The following PCDHA3 variants were observed in gnomAD, a reference collection of about 807,000 sequenced individuals.
PCDHA3 encodes protocadherin alpha 3.
PCDHA3 carries 41 observed loss-of-function variants against 62.2 expected under a neutral mutation model. That is an observed-to-expected ratio of 0.66 (90% CI 0.51 to 0.86). The LOEUF (loss-of-function observed/expected upper bound fraction) is 0.86, where lower values mean the gene tolerates loss of function less well. Among genes scored for constraint, PCDHA3 ranks in the 40% least tolerant of loss-of-function variants. The probability of loss-of-function intolerance (pLI) is 0.00; values close to 1 mark genes in which losing one functional copy is unlikely to be tolerated. For synonymous variants in PCDHA3, 640 were observed against 555.4 expected (o/e 1.15, Z -2.14); for missense variants, 1,304 against 1,241.2 (o/e 1.05, Z -0.76).
chr5:141,003,370 G>A (rs192935173), intron 3 of PCDHA3, among the ~76,000 whole-genome samples: 1 of 152,262 alleles, frequency 6.6e-6, no homozygotes, highest in East Asian at 1.9e-4. Context: ...GGAGTGCAGT[G>A]GTGCAATCTC....
rs1554139478 is a variant in PCDHA3 at position 140,842,864 on chromosome 5, G to A, written c.2394+39273G>A. The stretch of plus-strand genomic sequence containing the variant: ...CTACATTTCGGTGCACACGGAGAGC[G>A]GCAAGGTGTACGCGCTGCAGCCGCT... On this transcript the variant is annotated intron_variant, in intron 1 of 3. Transcript: ENST00000522353. 2.5e-6 allele frequency: 4 copies of A among 1,594,034 alleles called. 1 individual carries two copies. Among genetic ancestry groups the A allele is most frequent in the Middle Eastern group, 2.1e-4 (1 of 4,754 alleles).
intron 2 of PCDHA3, among the ~76,000 whole-genome samples, chr5:140,980,777 A>C (rs2096905451): frequency 6.6e-6 from 1 of 152,244 alleles, no homozygotes; most frequent in Non-Finnish European, 1.5e-5. Flanking sequence ...ATTGAAATTA[A>C]AATGCCATTT....
In PCDHA3 at chr5:140,886,016, A is replaced by G. The variant is rs192748955; in HGVS notation, c.2394+82425A>G. Among the ~76,000 whole-genome samples the G allele has an allele frequency of 3.1e-3, 468 of 152,290 alleles. 3 individuals are homozygous for G. Among genetic ancestry groups the G allele is most frequent in the Middle Eastern group, 0.014 (4 of 294 alleles). On this transcript the variant is annotated intron_variant, in intron 1 of 3. Transcript: ENST00000522353. ...GAAAGAAATAGTAAAGGGAGATGCTATGTATTCTTCACTAAGTTTTCCCCA... is the reference window on the plus strand; with the variant it reads ...GAAAGAAATAGTAAAGGGAGATGCTGTGTATTCTTCACTAAGTTTTCCCCA...
At chr5:140,948,351 A>G (rs951541212) in intron 1 of PCDHA3, among the ~76,000 whole-genome samples, 1 of 151,646 alleles carries the variant, frequency 6.6e-6, no homozygotes, top group East Asian at 1.9e-4. Flanking sequence ...TTCTAACCTA[A>G]TAAAATGACT....
At chr5:140,824,707 G>C (rs1444477681) in intron 1 of PCDHA3, 1 of 138,454 alleles carries the variant, frequency 7.2e-6, no homozygotes, top group East Asian at 2.3e-4. Flanking sequence ...CCATGCTCCC[G>C]TCTCAGCCTC....
intron 1 of PCDHA3, among the ~76,000 whole-genome samples, chr5:140,934,524 G>A (rs181182103): frequency 4.4e-4 from 67 of 152,192 alleles, no homozygotes; most frequent in Admixed American, 3.1e-3. Context: ...ACCACACTTC[G>A]AGAGCTACCG....
chr5:140,899,909 G>A (rs1401600020), intron 1 of PCDHA3, among the ~76,000 whole-genome samples: 1 of 152,134 alleles, frequency 6.6e-6, no homozygotes, highest in Non-Finnish European at 1.5e-5. Flanking sequence ...CTGGGCTCAA[G>A]CAATCCTCCT....
At chr5:140,887,629 T>C (rs2061519169) in intron 1 of PCDHA3, among the ~76,000 whole-genome samples, 1 of 152,128 alleles carries the variant, frequency 6.6e-6, no homozygotes, top group Non-Finnish European at 1.5e-5. Flanking sequence ...TTTATGTTAG[T>C]CTGTTGGGGT....
Position 140,958,902 on chromosome 5 carries a change from GAA to G in PCDHA3, c.2395-20044_2395-20043del, listed in dbSNP as rs201571519. On this transcript the variant is annotated intron_variant, in intron 1 of 3. Transcript: ENST00000522353. ...GACCAGTAGCTATATAATAGATACA[GAA>G]AAGTCTGCCTGGGTGTGGTGGCTCA... Among the ~76,000 whole-genome samples the G allele has an allele frequency of 8.2e-3, 1,248 of 152,002 alleles. 7 individuals carry two copies. The highest frequency in any genetic ancestry group is 0.021 in the Middle Eastern group (6 of 292).
chr5:140,882,770 T>C (rs781904504), intron 1 of PCDHA3: 4 of 1,614,144 alleles, frequency 2.5e-6, no homozygotes, highest in Non-Finnish European at 3.4e-6. Flanking sequence ...AAACTCGGCA[T>C]TGACCTACCG....
At chr5:140,842,733 G>T in intron 1 of PCDHA3, 1 of 1,595,054 alleles carries the variant, frequency 6.3e-7, no homozygotes, top group Middle Eastern at 1.8e-4. Context: ...AACCCGCCGG[G>T]CTGCCACATC....
intron 3 of PCDHA3, among the ~76,000 whole-genome samples, chr5:141,001,760 G>A (rs2098035777): frequency 6.6e-6 from 1 of 152,146 alleles, no homozygotes; most frequent in South Asian, 2.1e-4. Flanking sequence ...GGTTGATGGC[G>A]GATGGTTTTT....
chr5:140,977,232 A>G (rs2096751038), intron 1 of PCDHA3, among the ~76,000 whole-genome samples: 1 of 152,368 alleles, frequency 6.6e-6, no homozygotes, highest in East Asian at 1.9e-4. Flanking sequence ...ACCCAATCAT[A>G]GAAAAATTGG....
At chr5:140,967,785 G>A (rs1554229943) in intron 1 of PCDHA3, 6 of 1,614,176 alleles carry the variant, frequency 3.7e-6, no homozygotes, top group Admixed American at 3.3e-5. Context: ...GCGACTGACC[G>A]GGGTCCAGTG....
At chr5:140,962,817 G>A (rs555403742) in intron 1 of PCDHA3, among the ~76,000 whole-genome samples, 2 of 152,202 alleles carry the variant, frequency 1.3e-5, no homozygotes, top group South Asian at 4.1e-4. Flanking sequence ...CATCAGAGAT[G>A]ACCATTTGTC....
rs782492418 is a variant in PCDHA3 at position 140,858,271 on chromosome 5, C to T, written c.2394+54680C>T. On this transcript the variant is annotated intron_variant, in intron 1 of 3. Coordinates refer to ENST00000522353, the MANE Select transcript of PCDHA3 (RefSeq NM_018906.3). ...TGAAGCCCACGCTGGTGTGCTCTAGCGCGGTGGGGAGCTGGTCTTACTCGC... is the reference window on the plus strand; with the variant it reads ...TGAAGCCCACGCTGGTGTGCTCTAGTGCGGTGGGGAGCTGGTCTTACTCGC... 2.3e-5 allele frequency: 37 copies of T among 1,597,010 alleles called. 3 individuals are homozygous for T. The highest frequency in any genetic ancestry group is 8.4e-5 in the Admixed American group (5 of 59,172).
chr5:140,928,539 T>G, intron 1 of PCDHA3: 1 of 1,614,222 alleles, frequency 6.2e-7, no homozygotes. Context: ...TAGATAGGAA[T>G]GACAATTATC....
intron 1 of PCDHA3, chr5:140,850,209 G>A (rs2150473302): frequency 1.9e-6 from 3 of 1,593,574 alleles, no homozygotes; most frequent in African/African-American, 2.7e-5. Context: ...TCGGATGAGG[G>A]GCACTGACGG....
At chr5:140,829,005 G>C (rs2150161875) in intron 1 of PCDHA3, 5 of 1,613,588 alleles carry the variant, frequency 3.1e-6, no homozygotes, top group Non-Finnish European at 3.4e-6. Context: ...ATAGTGATTC[G>C]GGGTAATTTG....
Sources: allele counts gnomAD v4.1 joint callset (sites outside exome capture counted in the v4.1 genomes callset), GRCh38; gene constraint gnomAD v4.1.1; transcripts MANE v1.5; gene names NCBI Gene and HGNC (gene_info 2026-07-23, HGNC 2026-07-21).